Variants in DLGAP2 observed in about 807,000 individuals in gnomAD.
The protein encoded by DLGAP2 is disks large-associated protein 2.
DLGAP2 carries 26 observed loss-of-function variants against 100.3 expected under a neutral mutation model. The ratio of observed to expected loss-of-function variants is 0.26; its 90% CI spans 0.19 to 0.36. The LOEUF is 0.36. Among genes scored for constraint, DLGAP2 ranks in the 10% least tolerant of loss-of-function variants. The pLI, the probability that DLGAP2 is intolerant of heterozygous loss-of-function variation, is 1.00. For missense variants in DLGAP2, 1,858 were observed against 1,453.2 expected (o/e 1.28, Z -4.53); for synonymous variants, 886 against 630.1 (o/e 1.41, Z -6.08).
intron 5 of DLGAP2, among the ~76,000 whole-genome samples, chr8:1,559,764 C>G (rs1053383573): frequency 2.0e-5 from 3 of 152,250 alleles, no homozygotes; most frequent in African/African-American, 7.2e-5. Context: ...CCTTCCCGAA[C>G]TGAGCTTTTC....
At chr8:745,362 G>T (rs1458983765) in intron 1 of DLGAP2, among the ~76,000 whole-genome samples, 1 of 152,204 alleles carries the variant, frequency 6.6e-6, no homozygotes, top group Admixed American at 6.5e-5. Flanking sequence ...TACTGGGTCT[G>T]AAACAAAATG....
chr8:851,938 G>C (rs886654936), intron 1 of DLGAP2, among the ~76,000 whole-genome samples: 5 of 152,160 alleles, frequency 3.3e-5, no homozygotes, highest in Admixed American at 6.5e-5. Context: ...TATTAGCGAG[G>C]ACACTGGTCT....
intron 3 of DLGAP2, among the ~76,000 whole-genome samples, chr8:1,377,528 A>G (rs930647299): frequency 6.6e-6 from 1 of 152,150 alleles, no homozygotes; most frequent in Non-Finnish European, 1.5e-5. Flanking sequence ...CGGGCGATAG[A>G]GCGAGACTCC....
At chr8:818,171 C>G (rs1274156983) in intron 1 of DLGAP2, among the ~76,000 whole-genome samples, 1 of 152,134 alleles carries the variant, frequency 6.6e-6, no homozygotes, top group Non-Finnish European at 1.5e-5. Flanking sequence ...GTGGGGCTGG[C>G]TGCAGCTGCT....
chr8:846,362 T>C (rs1797071729), intron 1 of DLGAP2, among the ~76,000 whole-genome samples: 1 of 152,166 alleles, frequency 6.6e-6, no homozygotes, highest in South Asian at 2.1e-4. Context: ...CTTTCTGAGA[T>C]TCTGCACGTG....
At chr8:885,608 CT>C (rs1305276815) in intron 1 of DLGAP2, among the ~76,000 whole-genome samples, 9 of 152,124 alleles carry the variant, frequency 5.9e-5, no homozygotes, top group Admixed American at 5.9e-4. Context: ...CTTGAATACC[CT>C]TTATTTCTTT....
rs143532716 is a variant in DLGAP2 at position 1,690,839 on chromosome 8, G to A, written c.2705-696G>A. ...CTCATAGCACACTCAGAAATGTAGCGTTAGCATTACACATATACTGGGTAC... is the reference window on the plus strand; with the variant it reads ...CTCATAGCACACTCAGAAATGTAGCATTAGCATTACACATATACTGGGTAC... On this transcript the variant is annotated intron_variant, in intron 12 of 14. Transcript: ENST00000637795. Among the ~76,000 whole-genome samples, 718 of 151,992 alleles carry A rather than the reference G, an allele frequency of 4.7e-3. 9 individuals carry two copies. Among genetic ancestry groups the A allele is most frequent in the African/African-American group, 0.016 (671 of 41,462 alleles).
At chr8:758,978 C>CCCTGACAGCT in intron 1 of DLGAP2, among the ~76,000 whole-genome samples, 1 of 150,458 alleles carries the variant, frequency 6.6e-6, no homozygotes, top group East Asian at 2.0e-4. Context: ...CCCCCACAAC[C>CCCTGACAGCT]TTCCCATTAT....
intron 13 of DLGAP2, among the ~76,000 whole-genome samples, chr8:1,696,261 G>A (rs765511873): frequency 2.6e-5 from 4 of 152,200 alleles, no homozygotes; most frequent in African/African-American, 4.8e-5. Context: ...AGCACTTTGG[G>A]AAGCTGAGGC....
chr8:1,535,651 G>C (rs2130470410), intron 4 of DLGAP2, among the ~76,000 whole-genome samples: 1 of 152,358 alleles, frequency 6.6e-6, no homozygotes, highest in Non-Finnish European at 1.5e-5. Context: ...TACTTCGTGT[G>C]CTATTTCTTG....
intron 2 of DLGAP2, chr8:1,248,362 T>C (rs1162434960): frequency 1.1e-5 from 1 of 87,880 alleles, no homozygotes; most frequent in African/African-American, 6.3e-5. Flanking sequence ...GGAGTGATGG[T>C]CCATGTTGGT....
intron 3 of DLGAP2, among the ~76,000 whole-genome samples, chr8:1,476,233 C>A (rs1798925918): frequency 6.6e-6 from 1 of 152,180 alleles, no homozygotes; most frequent in African/African-American, 2.4e-5. Flanking sequence ...GCTTTTAGTT[C>A]CATTTCTGTA....
intron 5 of DLGAP2, among the ~76,000 whole-genome samples, chr8:1,558,892 A>G (rs1393884282): frequency 2.6e-5 from 4 of 152,166 alleles, no homozygotes; most frequent in African/African-American, 9.7e-5. Flanking sequence ...ACACACACAC[A>G]CACGGCTTAA....
chr8:787,433 G>T (rs187474701), intron 1 of DLGAP2, among the ~76,000 whole-genome samples: 1 of 152,166 alleles, frequency 6.6e-6, no homozygotes, highest in Non-Finnish European at 1.5e-5. Flanking sequence ...ACTTCTCTCC[G>T]CTTCTCCAAA....
At chr8:1,287,985 AGTGT>A (rs1325191713) in intron 3 of DLGAP2, among the ~76,000 whole-genome samples, 1 of 30,362 alleles carries the variant, frequency 3.3e-5, no homozygotes, top group Non-Finnish European at 5.3e-5. Flanking sequence ...GTTTCGGTTG[AGTGT>A]GTGTGTGTTT....
At chr8:797,194 C>A (rs545885762) in intron 1 of DLGAP2, among the ~76,000 whole-genome samples, 3 of 152,226 alleles carry the variant, frequency 2.0e-5, no homozygotes, top group African/African-American at 7.2e-5. Flanking sequence ...CTCCGAAAGT[C>A]CTGTGTGCCC....
intron 3 of DLGAP2, among the ~76,000 whole-genome samples, chr8:1,340,348 T>C (rs1297069525): frequency 1.3e-5 from 2 of 152,054 alleles, no homozygotes; most frequent in Non-Finnish European, 2.9e-5. Context: ...CCCACAAAGG[T>C]CTAATATCTG....
chr8:802,608 C>T (rs1171238837), intron 1 of DLGAP2, among the ~76,000 whole-genome samples: 1 of 152,176 alleles, frequency 6.6e-6, no homozygotes, highest in Non-Finnish European at 1.5e-5. Context: ...CAGCCACCCT[C>T]AGAACCCACA....
intron 3 of DLGAP2, among the ~76,000 whole-genome samples, chr8:1,303,892 G>A (rs73539519): frequency 0.043 from 6,551 of 152,256 alleles, 491 homozygotes; most frequent in African/African-American, 0.15. Flanking sequence ...GGGAGGTGGA[G>A]GGAGATGGGA....
Sources: allele counts gnomAD v4.1 joint callset (sites outside exome capture counted in the v4.1 genomes callset), GRCh38; gene constraint gnomAD v4.1.1; transcripts MANE v1.5; gene names NCBI Gene and HGNC (gene_info 2026-07-23, HGNC 2026-07-21).